LSAMP: variants seen among roughly 807,000 people sequenced by gnomAD.
LSAMP encodes the protein limbic system associated membrane protein.
A neutral mutation model predicts 38.6 loss-of-function variants in LSAMP; 7 were observed. The observed-to-expected ratio is 0.18, with a 90% CI of 0.10 to 0.34. The LOEUF is 0.34. Among genes scored for constraint, LSAMP ranks in the 10% least tolerant of loss-of-function variants. LSAMP has a pLI of 1.00. For missense variants in LSAMP, 313 were observed against 420.0 expected (o/e 0.75, Z 2.23); for synonymous variants, 154 against 166.8 (o/e 0.92, Z 0.59).
intron 1 of LSAMP, among the ~76,000 whole-genome samples, chr3:116,353,440 C>G (rs994386237): frequency 1.3e-5 from 2 of 151,922 alleles, no homozygotes; most frequent in African/African-American, 4.8e-5. Context: ...TTAATTACTT[C>G]GTATGCAAAA....
chr3:116,343,691 T>C (rs2048026910), intron 1 of LSAMP, among the ~76,000 whole-genome samples: 1 of 151,272 alleles, frequency 6.6e-6, no homozygotes, highest in South Asian at 2.1e-4. Context: ...ATAAGAACTA[T>C]TTTGGCCATA....
At chr3:115,835,236 G>A (rs559137803) in intron 6 of LSAMP, among the ~76,000 whole-genome samples, 18 of 151,852 alleles carry the variant, frequency 1.2e-4, no homozygotes, top group African/African-American at 2.4e-4. Flanking sequence ...ATTCTTACCC[G>A]AAATTTGATC....
intron 3 of LSAMP, among the ~76,000 whole-genome samples, chr3:115,875,574 C>A (rs928223796): frequency 2.0e-5 from 3 of 152,002 alleles, no homozygotes; most frequent in Admixed American, 1.3e-4. Context: ...AATAATTTTT[C>A]TTTGACAAGC....
At chr3:116,107,751 A>G (rs1323082916) in intron 1 of LSAMP, among the ~76,000 whole-genome samples, 1 of 152,150 alleles carries the variant, frequency 6.6e-6, no homozygotes, top group East Asian at 1.9e-4. Context: ...AGTGAAAGCG[A>G]AGAGAGGCTG....
intron 3 of LSAMP, 26 bp downstream of exon 3, chr3:116,019,489 A>T (rs764593254): frequency 3.0e-5 from 48 of 1,608,636 alleles, no homozygotes; most frequent in Non-Finnish European, 3.9e-5. Context: ...AGCATGTGGC[A>T]TATTGGAACC....
intron 1 of LSAMP, among the ~76,000 whole-genome samples, chr3:116,249,163 G>A (rs1323469534): frequency 1.1e-4 from 13 of 118,712 alleles, no homozygotes; most frequent in Admixed American, 1.7e-4. Flanking sequence ...AAAAAAAAAA[G>A]GACTAAACTT....
chr3:115,904,076 T>C (rs956802959), intron 3 of LSAMP, among the ~76,000 whole-genome samples: 6 of 152,058 alleles, frequency 3.9e-5, no homozygotes, highest in Non-Finnish European at 7.4e-5. Context: ...ATGGCACAAA[T>C]TGAAAGATGT....
chr3:116,080,068 G>A (rs1049006539), intron 2 of LSAMP, among the ~76,000 whole-genome samples: 9 of 152,048 alleles, frequency 5.9e-5, no homozygotes, highest in South Asian at 2.1e-4. Flanking sequence ...ATGATATTGC[G>A]TAAATCCAAG....
At chr3:115,891,825 C>T (rs1236148292) in intron 3 of LSAMP, among the ~76,000 whole-genome samples, 1 of 151,962 alleles carries the variant, frequency 6.6e-6, no homozygotes, top group Non-Finnish European at 1.5e-5. Context: ...TAGTAGGTGG[C>T]ATTTTAGTGG....
At chr3:115,947,163 G>A (rs1474736505) in intron 3 of LSAMP, among the ~76,000 whole-genome samples, 2 of 151,968 alleles carry the variant, frequency 1.3e-5, no homozygotes, top group African/African-American at 2.4e-5. Flanking sequence ...CTGATATAGA[G>A]GATTAACCAA....
intron 1 of LSAMP, among the ~76,000 whole-genome samples, chr3:116,108,811 G>A (rs1050693257): frequency 5.3e-5 from 8 of 152,180 alleles, no homozygotes; most frequent in East Asian, 1.9e-4. Context: ...CTGGAGGAAC[G>A]CCTGGCCGCT....
chr3:116,368,155 A>G (rs1174787221), intron 1 of LSAMP: 2 of 152,266 alleles, frequency 1.3e-5, no homozygotes, highest in Admixed American at 1.3e-4. Context: ...TGTGCAGAGC[A>G]CCAGCAAAGG....
intron 1 of LSAMP, among the ~76,000 whole-genome samples, chr3:116,391,581 A>T (rs2048698601): frequency 7.2e-6 from 1 of 139,790 alleles, no homozygotes. Context: ...GGCAGGAAGC[A>T]GGGCGCGGGG....
intron 1 of LSAMP, among the ~76,000 whole-genome samples, chr3:116,412,423 C>T (rs2048992374): frequency 6.6e-6 from 1 of 152,074 alleles, no homozygotes; most frequent in Non-Finnish European, 1.5e-5. Context: ...ACTCATGATT[C>T]TTTCTACATC....
chr3:115,869,249 A>C (rs1935949368), intron 3 of LSAMP, among the ~76,000 whole-genome samples: 1 of 146,574 alleles, frequency 6.8e-6, no homozygotes, highest in South Asian at 2.2e-4. Context: ...GGTTCCCTTC[A>C]TAACCTCTAT....
At chr3:116,297,918 C>T (rs1033958054) in intron 1 of LSAMP, among the ~76,000 whole-genome samples, 4 of 152,180 alleles carry the variant, frequency 2.6e-5, no homozygotes, top group Non-Finnish European at 5.9e-5. Context: ...TTGACCAACA[C>T]CCTTTCTCCT....
At chr3:115,910,012 T>C (rs1414214360) in intron 3 of LSAMP, among the ~76,000 whole-genome samples, 2 of 152,210 alleles carry the variant, frequency 1.3e-5, no homozygotes, top group African/African-American at 4.8e-5. Flanking sequence ...ATATCAGTGT[T>C]GTTGGTCTCA....
At chr3:116,004,535 T>TATATAC (rs1553758549) in intron 3 of LSAMP, among the ~76,000 whole-genome samples, 32 of 149,198 alleles carry the variant, frequency 2.1e-4, no homozygotes, top group Non-Finnish European at 3.6e-4. Context: ...TATATATATA[T>TATATAC]ACACACACAC....
At chr3:116,356,591 G>A (rs1236207040) in intron 1 of LSAMP, among the ~76,000 whole-genome samples, 2 of 152,138 alleles carry the variant, frequency 1.3e-5, no homozygotes, top group Non-Finnish European at 1.5e-5. Flanking sequence ...AGTACAATTG[G>A]AATGTTTGTG....
Sources: allele counts gnomAD v4.1 joint callset (sites outside exome capture counted in the v4.1 genomes callset), GRCh38; gene constraint gnomAD v4.1.1; transcripts MANE v1.5; gene names NCBI Gene and HGNC (gene_info 2026-07-23, HGNC 2026-07-21).